The following CDH11 variants were observed in gnomAD, a reference collection of about 807,000 sequenced individuals.
CDH11 encodes cadherin 11, also known as cadherin-11.
In CDH11, 11 loss-of-function variants were observed where a neutral mutation model predicts 67.8. The ratio of observed to expected loss-of-function variants is 0.16; its 90% CI spans 0.10 to 0.27. The LOEUF is 0.27. CDH11 is among the 10% of genes least tolerant of loss of function. The pLI is 1.00. For synonymous variants in CDH11, 419 were observed against 400.0 expected, an observed-to-expected ratio of 1.05 and a Z score of -0.57; for missense variants, 847 against 1,031.2, an observed-to-expected ratio of 0.82 and a Z score of 2.45.
chr16:64,947,795 C>G lies in CDH11; in HGVS notation c.2199G>C (p.Thr733=), dbSNP rs776762339. ...TRIQEADNDP[T]APPYDSIQIY... ...TTTGAATGGAGTCATAAGGAGGAGC[C>G]GTGGGGTCATTGTCTGCCTCCTGTA... The change falls in exon 13 of 13, where the codon ACG becomes ACC. Residue 733 remains threonine (T), a synonymous_variant. Transcript: ENST00000268603. The G allele has an allele frequency of 1.2e-6, 2 of 1,614,104 alleles. No individual in the cohort carries two copies. Among genetic ancestry groups the G allele is most frequent in the East Asian group, 4.5e-5 (2 of 44,870 alleles).
intron 1 of CDH11, among the ~76,000 whole-genome samples, chr16:65,088,711 C>T (rs917034256): frequency 6.6e-6 from 1 of 152,082 alleles, no homozygotes; most frequent in Admixed American, 6.6e-5. Flanking sequence ...GTAGAAATCA[C>T]CTGGATGAAC....
chr16:65,048,490 C>T (rs1181557316), intron 2 of CDH11, among the ~76,000 whole-genome samples: 2 of 151,990 alleles, frequency 1.3e-5, no homozygotes, highest in African/African-American at 2.4e-5. Context: ...ATGGAATCAA[C>T]CTCAGTGCCC....
intron 1 of CDH11, among the ~76,000 whole-genome samples, chr16:65,054,294 C>T (rs1307237875): frequency 6.6e-6 from 1 of 152,182 alleles, no homozygotes; most frequent in Admixed American, 6.5e-5. Context: ...TCTGATAGAA[C>T]CTATGTTCCA....
At chr16:65,097,840 A>C (rs557122906) in intron 1 of CDH11, among the ~76,000 whole-genome samples, 1 of 152,166 alleles carries the variant, frequency 6.6e-6, no homozygotes, top group South Asian at 2.1e-4. Flanking sequence ...TAAGATAAAA[A>C]ATTTTTAAAA....
intron 2 of CDH11, among the ~76,000 whole-genome samples, chr16:65,044,385 T>C (rs1045155320): frequency 2.0e-5 from 3 of 151,944 alleles, no homozygotes; most frequent in Non-Finnish European, 2.9e-5. Context: ...TCTTTTAAAA[T>C]CAGAAGAAAA....
chr16:65,092,097 C>T (rs2074802020), intron 1 of CDH11, among the ~76,000 whole-genome samples: 1 of 152,144 alleles, frequency 6.6e-6, no homozygotes, highest in Non-Finnish European at 1.5e-5. Flanking sequence ...TGTGCCTCTT[C>T]CCATAGAATG....
At chr16:64,990,753 T>C (rs1298103589) in intron 6 of CDH11, among the ~76,000 whole-genome samples, 1 of 152,234 alleles carries the variant, frequency 6.6e-6, no homozygotes, top group Non-Finnish European at 1.5e-5. Flanking sequence ...TTGTTTTTCA[T>C]TTAATTCCCT....
intron 2 of CDH11, among the ~76,000 whole-genome samples, chr16:65,053,155 G>A (rs549193989): frequency 4.2e-4 from 64 of 152,218 alleles, no homozygotes; most frequent in Non-Finnish European, 7.8e-4. Context: ...ATATTTAGTT[G>A]TCTCCTGTGA....
chr16:65,036,044 C>T (rs112181925), intron 2 of CDH11, among the ~76,000 whole-genome samples: 5 of 152,254 alleles, frequency 3.3e-5, no homozygotes, highest in Middle Eastern at 6.8e-3. Flanking sequence ...TTAGCAGGGG[C>T]TTATTTCATG....
chr16:64,984,831 G>A (rs1312019074), intron 7 of CDH11: 1 of 152,178 alleles, frequency 6.6e-6, no homozygotes, highest in Non-Finnish European at 1.5e-5. Flanking sequence ...TAACAAATCA[G>A]ATCACCCTCT....
chr16:65,103,764 A>T (rs959590702), intron 1 of CDH11, among the ~76,000 whole-genome samples: 9 of 152,210 alleles, frequency 5.9e-5, no homozygotes, highest in Non-Finnish European at 1.0e-4. Context: ...GAGATGCATT[A>T]GTATAAAACA....
In CDH11 at chr16:65,053,893, T is replaced by TGTCACAGG. The variant is rs1229514901; in HGVS notation, c.-270_-263dup. 2.6e-5 allele frequency: 12 copies of TGTCACAGG among 456,076 alleles called. No homozygotes were observed. The highest frequency in any genetic ancestry group is 5.3e-5 in the Non-Finnish European group (12 of 226,792). 28.3% of individuals were successfully genotyped at this position (456,076 alleles called of 1,614,324 possible). Reference sequence around the variant, plus strand: ...CTCAACAAATGACAACACGAAGGAATGTCACAGGGCCGCTGAGCTGAAAAC... The same window carrying TGTCACAGG: ...CTCAACAAATGACAACACGAAGGAATGTCACAGGGTCACAGGGCCGCTGAGCTGAAAAC... On this transcript the variant is annotated 5_prime_UTR_variant, in exon 2 of 13. It introduces an in-frame stop codon into an upstream open reading frame of the 5' UTR. Transcript: ENST00000268603.
chr16:64,946,173 C>A lies in CDH11; in HGVS notation c.*1430G>T, dbSNP rs919029610. On this transcript the variant is annotated 3_prime_UTR_variant, in exon 13 of 13. Coordinates refer to ENST00000268603, the MANE Select transcript of CDH11 (RefSeq NM_001797.4). Reference sequence around the variant, plus strand: ...CTTTTTTAAATGAATCGCCCATTCTCATTAAAACATAAAATGCCACATCAT... The same window carrying A: ...CTTTTTTAAATGAATCGCCCATTCTAATTAAAACATAAAATGCCACATCAT... 1.5e-5 allele frequency: 16 copies of A among 1,052,200 alleles called. No individual in the cohort carries two copies. Among genetic ancestry groups the A allele is most frequent in the Non-Finnish European group, 4.6e-6 (4 of 871,274 alleles). 65.2% of individuals were successfully genotyped at this position (1,052,200 alleles called of 1,614,324 possible).
intron 11 of CDH11, among the ~76,000 whole-genome samples, chr16:64,969,904 C>T (rs2071954913): frequency 6.6e-6 from 1 of 152,174 alleles, no homozygotes; most frequent in Non-Finnish European, 1.5e-5. Context: ...TGGTTGAGAA[C>T]TATCCATTTA....
At chr16:65,096,409 GTGTGTGTGT>G (rs1567575837) in intron 1 of CDH11, among the ~76,000 whole-genome samples, 8 of 74,172 alleles carry the variant, frequency 1.1e-4, no homozygotes, top group South Asian at 3.2e-4. Flanking sequence ...CTTTCGGGGT[GTGTGTGTGT>G]GTGTGTGTGT....
At chr16:65,046,080 C>A (rs1437735533) in intron 2 of CDH11, among the ~76,000 whole-genome samples, 1 of 152,186 alleles carries the variant, frequency 6.6e-6, no homozygotes, top group East Asian at 1.9e-4. Context: ...TACAAACTAT[C>A]CCTTTCCATG....
At position 64,947,387 on chromosome 16, in the gene CDH11, TAAAC is replaced by T. The variant is rs989581228; in HGVS notation, c.*212_*215del. On this transcript the variant is annotated 3_prime_UTR_variant, in exon 13 of 13. Coordinates refer to ENST00000268603, the MANE Select transcript of CDH11 (RefSeq NM_001797.4). ...TGTTTTTTTTTTCTAGCGAAGTTGA[TAAAC>T]AACTTCAATATTTGCCTTTTTGTGA... 7.6e-7 allele frequency: 1 copy of T among 1,308,864 alleles called. No homozygotes were observed. The highest frequency in any genetic ancestry group is 9.7e-7 in the Non-Finnish European group (1 of 1,030,520). 81.1% of individuals were successfully genotyped at this position (1,308,864 alleles called of 1,614,324 possible).
At chr16:64,970,809 G>A (rs1345917744) in intron 11 of CDH11, among the ~76,000 whole-genome samples, 1 of 152,096 alleles carries the variant, frequency 6.6e-6, no homozygotes, top group African/African-American at 2.4e-5. Context: ...TGTTTTCACA[G>A]GCCTGCACCT....
intron 2 of CDH11, among the ~76,000 whole-genome samples, chr16:65,044,978 G>T (rs1037395174): frequency 6.6e-6 from 1 of 152,024 alleles, no homozygotes; most frequent in Non-Finnish European, 1.5e-5. Flanking sequence ...CCTCCCTGGT[G>T]GGGGCTTGTG....
Sources: gnomAD v4.1 joint callset for allele counts (sites outside exome capture counted in the v4.1 genomes callset) on GRCh38, gnomAD v4.1.1 for gene constraint, MANE v1.5 for transcripts, NCBI Gene and HGNC (gene_info 2026-07-23, HGNC 2026-07-21) for gene names.